CMPK1: variants seen among roughly 807,000 people sequenced by gnomAD.
The protein encoded by CMPK1 is cytidine/uridine monophosphate kinase 1.
Under a neutral mutation model 25.7 loss-of-function variants are expected in CMPK1, and 10 were observed. That is an observed-to-expected ratio of 0.39 (90% CI 0.24 to 0.66). The LOEUF (loss-of-function observed/expected upper bound fraction) is 0.66, where lower values mean the gene tolerates loss of function less well. Ranked by LOEUF, CMPK1 falls within the 30% of genes least tolerant of loss-of-function variation. The pLI, the probability that CMPK1 is intolerant of heterozygous loss-of-function variation, is 0.48. For synonymous variants in CMPK1, 106 were observed against 101.5 expected, an observed-to-expected ratio of 1.04 and a Z score of -0.27; for missense variants, 199 against 280.5, an observed-to-expected ratio of 0.71 and a Z score of 2.08.
chr1:47,376,709 T>C lies in CMPK1; in HGVS notation c.651T>C (p.Phe217=). The change falls in exon 6 of 6, where the codon TTT becomes TTC. Residue 217 remains phenylalanine (F), a synonymous_variant. Coordinates refer to ENST00000371873, the MANE Select transcript of CMPK1 (RefSeq NM_016308.3). The part of the protein sequence containing the change: ...IDASKSVDEV[F]DEVVQIFDKE... ...ATCATCTTTTTCCTTTACAGGTTTT[T>C]GATGAAGTTGTGCAGATTTTTGACA... The C allele has an allele frequency of 6.3e-7, 1 of 1,579,594 alleles. No individual in the cohort carries two copies.
At chr1:47,353,588 T>A (rs1018843051) in intron 1 of CMPK1, among the ~76,000 whole-genome samples, 1 of 152,240 alleles carries the variant, frequency 6.6e-6, no homozygotes, top group Non-Finnish European at 1.5e-5. Context: ...CCCTTTTTTT[T>A]AATACCATAT....
At chr1:47,369,558 TTTGC>T (rs961315509) in intron 2 of CMPK1, among the ~76,000 whole-genome samples, 6 of 151,972 alleles carry the variant, frequency 3.9e-5, no homozygotes, top group Admixed American at 6.6e-5. Flanking sequence ...TTTTTTCTTT[TTTGC>T]TTGCTTTCTT....
At chr1:47,354,600 T>C (rs1373016726) in intron 1 of CMPK1, among the ~76,000 whole-genome samples, 1 of 91,396 alleles carries the variant, frequency 1.1e-5, no homozygotes, top group African/African-American at 4.1e-5. Context: ...TGTGACTTGC[T>C]TTTTTTTTTT....
intron 1 of CMPK1, among the ~76,000 whole-genome samples, chr1:47,356,850 G>A (rs1040553789): frequency 6.6e-6 from 1 of 152,000 alleles, no homozygotes; most frequent in African/African-American, 2.4e-5. Flanking sequence ...TAGTAGAGAT[G>A]GGATTTCACC....
chr1:47,354,335 T>C (rs1646543464), intron 1 of CMPK1, among the ~76,000 whole-genome samples: 1 of 151,846 alleles, frequency 6.6e-6, no homozygotes, highest in Non-Finnish European at 1.5e-5. Context: ...CCTCAATAGA[T>C]AGATAAAGAT....
intron 3 of CMPK1, 137 bp from the exon 4 acceptor site, chr1:47,374,772 T>C: frequency 6.9e-6 from 4 of 582,030 alleles, no homozygotes; most frequent in East Asian, 2.9e-5. Flanking sequence ...GGACTTTGCA[T>C]GTTGATTAAT....
rs1322891509 is a variant in CMPK1 at position 47,375,261 on chromosome 1, A to G, written c.613A>G (p.Lys205Glu). Residue 205 changes from lysine to glutamate, a missense_variant, in exon 5 of 6, where the codon AAG becomes GAG. By Grantham distance (56) the Lys-to-Glu change is moderately conservative (BLOSUM62 1). This residue lies in a region of CMPK1 where 140 missense variants were observed against 235.5 expected (regional missense o/e 0.59). Transcript: ENST00000371873. Reference sequence around the variant, plus strand: ...CTTATATGAAGAAATGGGGAAAGTCAAGAAAATAGATGCTTCTAAATCTGT... The same window carrying G: ...CTTATATGAAGAAATGGGGAAAGTCGAGAAAATAGATGCTTCTAAATCTGT... The part of the protein sequence containing the change: ...IDLYEEMGKV[K>E]KIDASKSVDE... The G allele has an allele frequency of 6.2e-7, 1 of 1,606,430 alleles. No individual in the cohort carries two copies. The highest frequency in any genetic ancestry group is 8.5e-7 in the Non-Finnish European group (1 of 1,177,170).
In CMPK1 at chr1:47,377,654, C is replaced by T. The variant is rs912927222; in HGVS notation, c.*909C>T. On this transcript the variant is annotated 3_prime_UTR_variant, in exon 6 of 6. Transcript: ENST00000371873. Reference sequence around the variant, plus strand: ...AAAGCTTAGGATTAATTAGAAGAAGCAATCTAGTTAAATTTCCCATTTGTA... The same window carrying T: ...AAAGCTTAGGATTAATTAGAAGAAGTAATCTAGTTAAATTTCCCATTTGTA... 2.0e-5 allele frequency: 3 copies of T among 152,510 alleles called. No individual in the cohort carries two copies. Among genetic ancestry groups the T allele is most frequent in the Non-Finnish European group, 2.9e-5 (2 of 68,008 alleles). 9.4% of individuals were successfully genotyped at this position (152,510 alleles called of 1,614,324 possible).
chr1:47,367,927 C>T (rs1350342352), intron 1 of CMPK1, among the ~76,000 whole-genome samples: 2 of 151,926 alleles, frequency 1.3e-5, no homozygotes, highest in Non-Finnish European at 2.9e-5. Context: ...ATCACCATAC[C>T]CAGCTAATTT....
chr1:47,342,305 T>C (rs1646447074), intron 1 of CMPK1, among the ~76,000 whole-genome samples: 1 of 151,494 alleles, frequency 6.6e-6, no homozygotes, highest in Non-Finnish European at 1.5e-5. Context: ...TGGTCTTGAA[T>C]TCTTGACCTC....
intron 1 of CMPK1, among the ~76,000 whole-genome samples, chr1:47,348,164 A>G (rs1399417134): frequency 2.6e-5 from 4 of 152,180 alleles, no homozygotes; most frequent in Non-Finnish European, 5.9e-5. Context: ...GATTAGAGAA[A>G]TCAATCTAGT....
At chr1:47,369,180 A>AT (rs944187544) in intron 2 of CMPK1, among the ~76,000 whole-genome samples, 3 of 151,744 alleles carry the variant, frequency 2.0e-5, no homozygotes, top group Admixed American at 6.6e-5. Context: ...ATTTTTTTCT[A>AT]TTTTTTGTGG....
chr1:47,351,266 A>G (rs538402692), intron 1 of CMPK1, among the ~76,000 whole-genome samples: 108 of 152,072 alleles, frequency 7.1e-4, no homozygotes, highest in African/African-American at 2.6e-3. Context: ...TTTTTATTAG[A>G]GATGGGGTTT....
At chr1:47,364,859 C>T (rs1302500153) in intron 1 of CMPK1, among the ~76,000 whole-genome samples, 2 of 151,842 alleles carry the variant, frequency 1.3e-5, no homozygotes, top group Admixed American at 6.6e-5. Context: ...ACATCCTGGG[C>T]TCAAGTTTTC....
At chr1:47,367,147 A>T (rs1449894119) in intron 1 of CMPK1, among the ~76,000 whole-genome samples, 1 of 152,192 alleles carries the variant, frequency 6.6e-6, no homozygotes, top group African/African-American at 2.4e-5. Flanking sequence ...CTAGGATTAC[A>T]AGCATGATCT....
At chr1:47,339,814 TCTC>T (rs1646426952) in intron 1 of CMPK1, among the ~76,000 whole-genome samples, 1 of 150,740 alleles carries the variant, frequency 6.6e-6, no homozygotes, top group Admixed American at 6.6e-5. Flanking sequence ...TTCAAGCGAT[TCTC>T]CTCCCTCAGC....
At position 47,366,515 on chromosome 1, in the gene CMPK1, A is replaced by C. The variant is rs137871819; in HGVS notation, c.172-1954A>C. On this transcript the variant is annotated intron_variant, in intron 1 of 5. Coordinates refer to ENST00000371873, the MANE Select transcript of CMPK1 (RefSeq NM_016308.3). ...TAGTTGCTTTTTTGTTGTTGCTGCA[A>C]CTGTGGTAAGAGGAAAGCATTATTA... Among the ~76,000 whole-genome samples, 1,271 of 152,282 alleles carry C rather than the reference A, an allele frequency of 8.3e-3. 11 individuals carry two copies. The highest frequency in any genetic ancestry group is 0.014 in the Non-Finnish European group (935 of 68,030).
chr1:47,339,760 T>C (rs1646426370), intron 1 of CMPK1, among the ~76,000 whole-genome samples: 1 of 141,628 alleles, frequency 7.1e-6, no homozygotes, highest in Non-Finnish European at 1.5e-5. Flanking sequence ...CAGACGGGAG[T>C]GCAGTGGCAT....
At chr1:47,355,379 A>C (rs1215534662) in intron 1 of CMPK1, among the ~76,000 whole-genome samples, 4 of 125,038 alleles carry the variant, frequency 3.2e-5, no homozygotes, top group Admixed American at 9.8e-5. Context: ...ACAGAGTCTC[A>C]CTCTGTCACC....
Sources: allele counts gnomAD v4.1 joint callset (sites outside exome capture counted in the v4.1 genomes callset), GRCh38; gene constraint gnomAD v4.1.1; regional missense constraint gnomAD v4.1.1; transcripts MANE v1.5; gene names NCBI Gene and HGNC (gene_info 2026-07-23, HGNC 2026-07-21).